Variants in HTT observed in about 807,000 individuals in gnomAD.
The protein encoded by HTT is huntington disease protein.
HTT carries 104 observed loss-of-function variants against 362.3 expected under a neutral mutation model. That is an observed-to-expected ratio of 0.29 (90% CI 0.24 to 0.34). The LOEUF (loss-of-function observed/expected upper bound fraction) is 0.34, where lower values mean the gene tolerates loss of function less well. Among genes scored for constraint, HTT ranks in the 10% least tolerant of loss-of-function variants. The pLI is 1.00. For synonymous variants in HTT, 1,577 were observed against 1,548.7 expected, an observed-to-expected ratio of 1.02 and a Z score of -0.43; for missense variants, 3,301 against 3,928.6, an observed-to-expected ratio of 0.84 and a Z score of 4.27.
rs753207801 is a variant in HTT, at chr4:3,130,032, A to C, written c.1852A>C (p.Arg618=). The C allele has an allele frequency of 4.1e-5, 66 of 1,611,216 alleles. 1 individual carries two copies. In the South Asian group the frequency reaches 7.2e-4, roughly 18 times the overall value. Residue 618 remains arginine, a synonymous_variant, in exon 13 of 67, where the codon AGG becomes CGG. Coordinates refer to ENST00000355072, the MANE Select transcript of HTT (RefSeq NM_001388492.1). ...TCCTGATGAAGCCTCGGAGGCCTTCAGGAACTCTTCCATGGGTATGTGGAC... is the reference window on the plus strand; with the variant it reads ...TCCTGATGAAGCCTCGGAGGCCTTCCGGAACTCTTCCATGGGTATGTGGAC... The part of the protein sequence containing the change: ...ILPDEASEAF[R]NSSMALQQAH...
Position 3,074,961 on chromosome 4 carries a change from C to CCGCCGCCGT in HTT, c.143_144insGTCGCCGCC (p.Pro48_Pro49insSerProPro), listed in dbSNP as rs1167199539. On this transcript the variant is annotated inframe_insertion, in exon 1 of 67. Transcript: ENST00000355072. ...ACAGCCGCCACCGCCGCCGCCGCCG[C>CCGCCGCCGT]CGCCGCCTCCTCAGCTTCCTCAGCC... 3.3e-6 allele frequency: 5 copies of CCGCCGCCGT among 1,497,460 alleles called. No individual in the cohort carries two copies. The African/African-American group carries it at 7.3e-5, about 22-fold the overall frequency. 92.8% of individuals were successfully genotyped at this position (1,497,460 alleles called of 1,614,324 possible).
intron 9 of HTT, chr4:3,121,720 G>A: frequency 4.0e-6 from 1 of 249,926 alleles, no homozygotes; most frequent in South Asian, 4.8e-5. Context: ...AAAAAAATTA[G>A]CTGGGCATGG....
rs363151 is a variant in HTT at position 3,147,097 on chromosome 4, A to G, written c.3295+149A>G. ...TTTAGTCAAATTTCAGATGTTACCT[A>G]TATGCATAAACACATGCAGTTGGCA... is the stretch of plus-strand genomic sequence containing the variant. On this transcript the variant is annotated intron_variant, in intron 25 of 66. Coordinates refer to ENST00000355072, the MANE Select transcript of HTT (RefSeq NM_001388492.1). 1,448 of 807,958 alleles carry G rather than the reference A, an allele frequency of 1.8e-3. 15 individuals carry two copies. In the African/African-American group the frequency reaches 0.021, roughly 12 times the overall value. The allele number at this position is 807,958 out of a possible 1,614,324, so 50.0% of individuals were successfully genotyped here. A position where few individuals can be genotyped will look rare whatever the true frequency, so the allele number is the denominator to read the frequency against.
At chr4:3,099,116 ATTAAC>A (rs1406692955) in intron 2 of HTT, among the ~76,000 whole-genome samples, 153 bp from the exon 3 acceptor site, 6 of 152,206 alleles carry the variant, frequency 3.9e-5, no homozygotes, top group African/African-American at 4.8e-5. Context: ...TTGATATGCT[ATTAAC>A]TTAAGTCCAG....
intron 27 of HTT, among the ~76,000 whole-genome samples, chr4:3,155,649 A>T (rs1408915577): frequency 7.0e-6 from 1 of 143,636 alleles, no homozygotes; most frequent in African/African-American, 2.6e-5. Context: ...TGGGAGGCTG[A>T]GGTGGGCGGA....
At chr4:3,219,940 A>G (rs114899992) in intron 52 of HTT, among the ~76,000 whole-genome samples, 2,220 of 152,272 alleles carry the variant, frequency 0.015, 57 homozygotes, top group African/African-American at 0.05. Context: ...GGGGTGTGCC[A>G]GCAGCCTCAG....
chr4:3,238,780 C>A, intron 65 of HTT, 38 bp from the exon 66 acceptor site: 2 of 1,534,634 alleles, frequency 1.3e-6, no homozygotes, highest in Non-Finnish European at 1.8e-6. Context: ...TCCCGTCCCC[C>A]CAGCCCTGAC....
intron 65 of HTT, 88 bp from the exon 66 acceptor site, chr4:3,238,730 G>GGGC: frequency 3.3e-4 from 363 of 1,096,398 alleles, no homozygotes; most frequent in Non-Finnish European, 4.5e-4. Flanking sequence ...AATGCCTCTG[G>GGGC]CCCCCACCCC....
intron 2 of HTT, among the ~76,000 whole-genome samples, chr4:3,095,333 C>T (rs980279805): frequency 7.2e-5 from 11 of 152,216 alleles, no homozygotes; most frequent in African/African-American, 2.2e-4. Context: ...GAGACCAGCC[C>T]GGCCAACACG....
rs772429544 is a variant in HTT, at chr4:3,074,945, A to ACCGCCGCCGCCGCCG, written c.129_143dup (p.Pro45_Pro49dup). 166 of 1,215,044 alleles carry ACCGCCGCCGCCGCCG rather than the reference A, an allele frequency of 1.4e-4. 2 individuals carry two copies. In the African/African-American group the frequency reaches 1.6e-3, roughly 11 times the overall value. The allele number at this position is 1,215,044 out of a possible 1,614,324, so 75.3% of individuals were successfully genotyped here. ...AGCAGCAGCAGCAGCAACAGCCGCC[A>ACCGCCGCCGCCGCCG]CCGCCGCCGCCGCCGCCGCCGCCTC... On this transcript the variant is annotated inframe_insertion, in exon 1 of 67. Coordinates refer to ENST00000355072, the MANE Select transcript of HTT (RefSeq NM_001388492.1).
At chr4:3,162,519 A>G (rs1717493981) in intron 29 of HTT, among the ~76,000 whole-genome samples, 1 of 152,202 alleles carries the variant, frequency 6.6e-6, no homozygotes, top group Non-Finnish European at 1.5e-5. Flanking sequence ...TTTGGGCAGC[A>G]AGGCCATTTT....
intron 51 of HTT, among the ~76,000 whole-genome samples, chr4:3,216,319 T>G (rs1720396935): frequency 1.3e-5 from 2 of 152,222 alleles, no homozygotes; most frequent in African/African-American, 4.8e-5. Flanking sequence ...ATTTCATGAT[T>G]TCTTGTTGCT....
In HTT at chr4:3,099,289, T is replaced by G. The variant is rs375334095; in HGVS notation, c.363T>G (p.Phe121Leu). Residue 121 changes from phenylalanine to leucine, a missense_variant, in exon 3 of 67, where the codon TTT becomes TTG. This residue lies in a region of HTT where 2,316 missense variants were observed against 2,658.5 expected (regional missense o/e 0.87). Coordinates refer to ENST00000355072, the MANE Select transcript of HTT (RefSeq NM_001388492.1). The stretch of plus-strand genomic sequence containing the variant: ...TTTTGCTTAGAAATTCTCCAGAATT[T>G]CAGAAACTTCTGGGCATCGCTATGG... ...VAQSVRNSPE[F>L]QKLLGIAMEL... 4 of 1,613,462 alleles carry G rather than the reference T, an allele frequency of 2.5e-6. No homozygotes were observed. The highest frequency in any genetic ancestry group is 3.4e-6 in the Non-Finnish European group (4 of 1,179,582).
At chr4:3,146,000 C>T (rs965925216) in intron 24 of HTT, among the ~76,000 whole-genome samples, 2 of 152,088 alleles carry the variant, frequency 1.3e-5, no homozygotes, top group Non-Finnish European at 2.9e-5. Flanking sequence ...AGTTAAAAAT[C>T]CGTTCAAGTA....
chr4:3,195,847 G>T (rs1011077967), intron 40 of HTT, among the ~76,000 whole-genome samples: 2 of 152,170 alleles, frequency 1.3e-5, no homozygotes, highest in African/African-American at 4.8e-5. Context: ...TCTGGTTGGG[G>T]ACAAGGAGAG....
chr4:3,158,740 A>G (rs1439443453), intron 28 of HTT, among the ~76,000 whole-genome samples: 1 of 152,016 alleles, frequency 6.6e-6, no homozygotes. Flanking sequence ...TTCATATTTT[A>G]CAAGGTTTGA....
chr4:3,212,542 C>A, intron 48 of HTT, 22 bp from the exon 49 acceptor site: 1 of 1,610,716 alleles, frequency 6.2e-7, no homozygotes, highest in Non-Finnish European at 8.5e-7. Flanking sequence ...TTGCACCCAC[C>A]CACGAGGTCC....
Position 3,235,550 on chromosome 4 carries a change from T to G in HTT, c.8572-15T>G. ...GCAGCGATTCTTTGACACAGAGGCCTTTCTCCCTGTGCAGATGTGTGGGGT... is the reference window on the plus strand; with the variant it reads ...GCAGCGATTCTTTGACACAGAGGCCGTTCTCCCTGTGCAGATGTGTGGGGT... On this transcript the variant is annotated splice_polypyrimidine_tract_variant and intron_variant, in intron 62 of 66. Coordinates refer to ENST00000355072, the MANE Select transcript of HTT (RefSeq NM_001388492.1). The G allele has an allele frequency of 6.2e-7, 1 of 1,611,364 alleles. No individual in the cohort carries two copies. The highest frequency in any genetic ancestry group is 8.5e-7 in the Non-Finnish European group (1 of 1,177,654).
chr4:3,117,942 T>C (rs958128365), intron 8 of HTT, among the ~76,000 whole-genome samples: 3 of 152,368 alleles, frequency 2.0e-5, no homozygotes, highest in Non-Finnish European at 2.9e-5. Context: ...AATTTTTCTC[T>C]CTACTCTTTT....
Sources: gnomAD v4.1 joint callset for allele counts (sites outside exome capture counted in the v4.1 genomes callset) on GRCh38, gnomAD v4.1.1 for gene constraint, gnomAD v4.1.1 regional missense constraint, MANE v1.5 for transcripts, NCBI Gene and HGNC (gene_info 2026-07-23, HGNC 2026-07-21) for gene names.